Variants in VPS13B observed in about 807,000 individuals in gnomAD.
VPS13B encodes the protein vacuolar protein sorting 13 homolog B.
A neutral mutation model predicts 426.4 loss-of-function variants in VPS13B; 285 were observed. That is an observed-to-expected ratio of 0.67 (90% CI 0.61 to 0.74). The LOEUF (loss-of-function observed/expected upper bound fraction) is 0.74. Ranked by LOEUF, VPS13B falls within the 30% of genes least tolerant of loss-of-function variation. The probability of loss-of-function intolerance (pLI) is 0.00; values close to 1 mark genes in which losing one functional copy is unlikely to be tolerated. For missense variants in VPS13B, 4,537 were observed against 4,782.6 expected (o/e 0.95, Z 1.51); for synonymous variants, 1,676 against 1,676.4 (o/e 1.00, Z 0.01).
intron 44 of VPS13B, among the ~76,000 whole-genome samples, chr8:99,813,928 G>C (rs567858550): frequency 5.3e-5 from 8 of 152,154 alleles, no homozygotes; most frequent in African/African-American, 9.7e-5. Context: ...GAGCCCAGGG[G>C]TTTGAGACCA....
intron 33 of VPS13B, among the ~76,000 whole-genome samples, chr8:99,584,556 G>GT (rs750301865): frequency 6.6e-6 from 1 of 152,158 alleles, no homozygotes; most frequent in Non-Finnish European, 1.5e-5. Flanking sequence ...GTACACTATG[G>GT]TCTCTGCCCT....
intron 34 of VPS13B, among the ~76,000 whole-genome samples, chr8:99,649,750 C>G (rs1050624280): frequency 1.1e-4 from 17 of 152,098 alleles, no homozygotes; most frequent in Non-Finnish European, 2.4e-4. Context: ...CCCCTACACT[C>G]TTAAAACCAC....
chr8:99,258,632 A>G (rs1817881658), intron 17 of VPS13B, among the ~76,000 whole-genome samples: 1 of 152,052 alleles, frequency 6.6e-6, no homozygotes, highest in Non-Finnish European at 1.5e-5. Flanking sequence ...AAACATAACT[A>G]CTTCATGTAA....
chr8:99,694,780 A>G (rs1404221037), intron 35 of VPS13B, among the ~76,000 whole-genome samples: 1 of 152,144 alleles, frequency 6.6e-6, no homozygotes, highest in Non-Finnish European at 1.5e-5. Context: ...ATGGGAGAAA[A>G]TTTTCACCAC....
intron 43 of VPS13B, among the ~76,000 whole-genome samples, chr8:99,789,430 G>C (rs1241293465): frequency 1.3e-5 from 2 of 152,108 alleles, no homozygotes; most frequent in Admixed American, 6.6e-5. Flanking sequence ...AGTTTGTTTA[G>C]AAAGGGCAAA....
intron 19 of VPS13B, among the ~76,000 whole-genome samples, chr8:99,345,147 A>G (rs1010354933): frequency 1.3e-5 from 2 of 152,164 alleles, no homozygotes; most frequent in Admixed American, 1.3e-4. Flanking sequence ...TCATTGCTAT[A>G]GTATGCAATG....
chr8:99,679,343 T>C lies in VPS13B; in HGVS notation c.6046+17852T>C, dbSNP rs532295754. On this transcript the variant is annotated intron_variant, in intron 35 of 61. Transcript: ENST00000357162. Reference sequence around the variant, plus strand: ...TTGTTGGAGTAGTGGAATATAGTTATCCCTTATGGTTATTACTAAGAGGGA... The same window carrying C: ...TTGTTGGAGTAGTGGAATATAGTTACCCCTTATGGTTATTACTAAGAGGGA... 1.4e-4 allele frequency among the ~76,000 whole-genome samples: 21 copies of C among 152,334 alleles called. 1 individual carries two copies. In the South Asian group the frequency reaches 3.7e-3, roughly 27 times the overall value.
intron 36 of VPS13B, among the ~76,000 whole-genome samples, chr8:99,701,856 T>G (rs970121514): frequency 6.6e-6 from 1 of 152,130 alleles, no homozygotes; most frequent in Non-Finnish European, 1.5e-5. Context: ...GATAACAAGG[T>G]TAGCAAAATA....
At chr8:99,426,315 T>A (rs200972298) in intron 21 of VPS13B, among the ~76,000 whole-genome samples, 1 of 47,474 alleles carries the variant, frequency 2.1e-5, no homozygotes, top group Non-Finnish European at 3.6e-5. Flanking sequence ...TCTATCATTG[T>A]TGGACATTTG....
chr8:99,766,811 A>C lies in VPS13B; in HGVS notation c.7088A>C (p.Lys2363Thr). Residue 2363 changes from lysine to threonine, a missense_variant, in exon 40 of 62, where the codon AAG becomes ACG. Physicochemically the swap from Lys to Thr is moderately conservative, Grantham distance 78 (BLOSUM62 -1). Around this residue, in one of 2 missense-constraint regions of VPS13B, gnomAD observed 4,311 missense variants for 4,474.3 expected, o/e 0.96. Coordinates refer to ENST00000357162, the MANE Select transcript of VPS13B (RefSeq NM_152564.5). The part of the protein sequence containing the change: ...CSLEYWDELQ[K>T]VFVAFREFNL... ...TTGGAATACTGGGATGAACTCCAGAAGGTTTTTGTTGCATTTAGAGAATTT... is the reference window on the plus strand; with the variant it reads ...TTGGAATACTGGGATGAACTCCAGACGGTTTTTGTTGCATTTAGAGAATTT... 6.2e-7 allele frequency: 1 copy of C among 1,613,942 alleles called. No homozygotes were observed. The highest frequency in any genetic ancestry group is 8.5e-7 in the Non-Finnish European group (1 of 1,179,950).
At chr8:99,184,181 A>G (rs562698701) in intron 16 of VPS13B, among the ~76,000 whole-genome samples, 2 of 152,226 alleles carry the variant, frequency 1.3e-5, no homozygotes, top group South Asian at 4.1e-4. Context: ...TAATGCTGCC[A>G]TGAACATGTA....
intron 57 of VPS13B, 99 bp from the exon 58 acceptor site, chr8:99,861,677 A>C: frequency 6.8e-7 from 1 of 1,475,814 alleles, no homozygotes; most frequent in Non-Finnish European, 9.3e-7. Flanking sequence ...GGGCATGTCC[A>C]GGAGGGGCCA....
At position 99,085,275 on chromosome 8, in the gene VPS13B, C is replaced by T. The variant is rs2132388426; in HGVS notation, c.292-11037C>T. On this transcript the variant is annotated intron_variant, in intron 3 of 61. Coordinates refer to ENST00000357162, the MANE Select transcript of VPS13B (RefSeq NM_152564.5). ...GTTTTATCAGAGACTAGGATTGCAACCCCTGCCTTTTTTTGTTTTCCATTT... is the reference window on the plus strand; with the variant it reads ...GTTTTATCAGAGACTAGGATTGCAATCCCTGCCTTTTTTTGTTTTCCATTT... Among the ~76,000 whole-genome samples, 2 of 152,188 alleles carry T rather than the reference C, an allele frequency of 1.3e-5. 1 individual carries two copies. Among genetic ancestry groups the T allele is most frequent in the South Asian group, 4.2e-4 (2 of 4,810 alleles).
intron 33 of VPS13B, among the ~76,000 whole-genome samples, chr8:99,578,860 A>G (rs530947647): frequency 4.5e-4 from 69 of 152,276 alleles, no homozygotes; most frequent in African/African-American, 1.6e-3. Flanking sequence ...GTTATTAACT[A>G]TTTATCTACA....
intron 33 of VPS13B, among the ~76,000 whole-genome samples, chr8:99,633,910 T>C (rs899045981): frequency 2.5e-4 from 38 of 151,508 alleles, no homozygotes; most frequent in African/African-American, 8.9e-4. Context: ...TATAAATCAA[T>C]TAGATCCAGT....
intron 20 of VPS13B, among the ~76,000 whole-genome samples, chr8:99,385,878 G>A (rs933372047): frequency 6.6e-6 from 1 of 152,182 alleles, no homozygotes; most frequent in African/African-American, 2.4e-5. Context: ...AGAGACTTCA[G>A]TGATTCCAGA....
intron 25 of VPS13B, among the ~76,000 whole-genome samples, chr8:99,498,290 AC>A (rs1821040119): frequency 6.6e-6 from 1 of 152,166 alleles, no homozygotes; most frequent in Admixed American, 6.5e-5. Context: ...AAATTTTTAA[AC>A]ATTTTACTAT....
intron 35 of VPS13B, among the ~76,000 whole-genome samples, chr8:99,694,912 G>T (rs1028399850): frequency 6.6e-6 from 1 of 152,002 alleles, no homozygotes; most frequent in Non-Finnish European, 1.5e-5. Flanking sequence ...CTTCTCAAAA[G>T]AAGACACTTA....
At chr8:99,052,079 T>C (rs1305197494) in intron 3 of VPS13B, among the ~76,000 whole-genome samples, 2 of 149,010 alleles carry the variant, frequency 1.3e-5, no homozygotes, top group Non-Finnish European at 3.0e-5. Flanking sequence ...TGAATAGGAG[T>C]GGTGAGAGAG....
Sources: allele counts gnomAD v4.1 joint callset (sites outside exome capture counted in the v4.1 genomes callset), GRCh38; gene constraint gnomAD v4.1.1; regional missense constraint gnomAD v4.1.1; transcripts MANE v1.5; gene names NCBI Gene and HGNC (gene_info 2026-07-23, HGNC 2026-07-21).